RAD1: variants seen among roughly 807,000 people sequenced by gnomAD.
The protein encoded by RAD1 is cell cycle checkpoint protein RAD1.
Under a neutral mutation model 30.0 loss-of-function variants are expected in RAD1, and 21 were observed. The observed-to-expected ratio is 0.70, with a 90% confidence interval of 0.50 to 1.01. The LOEUF (loss-of-function observed/expected upper bound fraction) is 1.01, where lower values mean the gene tolerates loss of function less well. Among genes scored for constraint, RAD1 ranks in the 50% least tolerant of loss-of-function variants. The pLI is 0.00. For synonymous variants in RAD1, 109 were observed against 113.6 expected (o/e 0.96, Z 0.26); for missense variants, 329 against 329.0 (o/e 1.00, Z 0.00).
In RAD1 at chr5:34,908,171, C is replaced by CTTTTTTTT. The variant is rs398064717; in HGVS notation, c.*586_*593dup. The CTTTTTTTT allele has an allele frequency of 7.9e-6, 1 of 127,216 alleles. No homozygotes were observed. The highest frequency in any genetic ancestry group is 2.9e-5 in the African/African-American group (1 of 34,084). 7.9% of individuals were successfully genotyped at this position (127,216 alleles called of 1,614,324 possible). A position where few individuals can be genotyped will look rare whatever the true frequency, so the allele number is the denominator to read the frequency against. On this transcript the variant is annotated 3_prime_UTR_variant, in exon 6 of 6. Coordinates refer to ENST00000382038, the MANE Select transcript of RAD1 (RefSeq NM_002853.4). Reference sequence around the variant, plus strand: ...CTGCATCAAACTTTAAGCCTTTAGACTTTTTTTTTTTTTTTTTTTGAGGCA... The same window carrying CTTTTTTTT: ...CTGCATCAAACTTTAAGCCTTTAGACTTTTTTTTTTTTTTTTTTTTTTTTTTTGAGGCA...
At position 34,905,737 on chromosome 5, in the gene RAD1, G is replaced by A. The variant is rs1004147642; in HGVS notation, c.*3028C>T. Reference sequence around the variant, plus strand: ...CAATTTGTAGTGGCACCAAAGTGTCGCCTGCTCTGCCTGAGGGAGCACTCC... The same window carrying A: ...CAATTTGTAGTGGCACCAAAGTGTCACCTGCTCTGCCTGAGGGAGCACTCC... On this transcript the variant is annotated 3_prime_UTR_variant, in exon 6 of 6. Transcript: ENST00000382038. 1.3e-5 allele frequency: 2 copies of A among 151,804 alleles called. No homozygotes were observed. The highest frequency in any genetic ancestry group is 4.8e-5 in the African/African-American group (2 of 41,334). The allele number at this position is 151,804 out of a possible 1,614,324, so 9.4% of individuals were successfully genotyped here. A position where few individuals can be genotyped will look rare whatever the true frequency, so the allele number is the denominator to read the frequency against.
At chr5:34,911,418 G>T in intron 4 of RAD1, 136 bp downstream of exon 4, 2 of 1,043,974 alleles carry the variant, frequency 1.9e-6, no homozygotes, top group Non-Finnish European at 1.4e-6. Context: ...AAAATTATGA[G>T]GTAAGAGTAC....
chr5:34,909,174 G>T, intron 5 of RAD1, 84 bp downstream of exon 5: 2 of 1,109,468 alleles, frequency 1.8e-6, no homozygotes, highest in Non-Finnish European at 1.3e-6. Context: ...TTAATTAACA[G>T]ATTGAAAGTG....
Position 34,908,514 on chromosome 5 carries a change from G to T in RAD1, c.*251C>A. The T allele has an allele frequency of 6.5e-6, 2 of 306,240 alleles. No homozygotes were observed. Among genetic ancestry groups the T allele is most frequent in the African/African-American group, 2.1e-5 (1 of 46,764 alleles). The allele number at this position is 306,240 out of a possible 1,614,324, so 19.0% of individuals were successfully genotyped here. The stretch of plus-strand genomic sequence containing the variant: ...TACGCTGACTCACAATTATTCCCAT[G>T]AGTTCAAAAGACAGAACTAAAGGAC... On this transcript the variant is annotated 3_prime_UTR_variant, in exon 6 of 6. Coordinates refer to ENST00000382038, the MANE Select transcript of RAD1 (RefSeq NM_002853.4).
intron 5 of RAD1, 71 bp from the exon 6 acceptor site, chr5:34,909,019 T>C: frequency 2.3e-6 from 3 of 1,332,292 alleles, no homozygotes; most frequent in Non-Finnish European, 3.1e-6. Context: ...AAGTAAAGGA[T>C]AAAAAGTAGC....
rs1391154998 is a variant in RAD1, at chr5:34,909,268, G to A, written c.655C>T (p.Gln219Ter). The change falls in exon 5 of 6, where the codon CAA (glutamine) becomes TAA (stop). Residue 219 changes from glutamine to a stop codon, truncating the protein, a stop_gained. Transcript: ENST00000382038. LOFTEE classifies it high-confidence loss of function. Reference sequence around the variant, plus strand: ...ATATTAAGAACTGACCTGTTGACTTGGGTCTGATTACAATGAAATGCTTCC... The same window carrying A: ...ATATTAAGAACTGACCTGTTGACTTAGGTCTGATTACAATGAAATGCTTCC... ...LMEAFHCNQT[Q>*]VNRYKISLLK... The A allele has an allele frequency of 6.2e-7, 1 of 1,605,038 alleles. No individual in the cohort carries two copies. Among genetic ancestry groups the A allele is most frequent in the African/African-American group, 1.3e-5 (1 of 74,706 alleles).
Position 34,911,662 on chromosome 5 carries a change from A to G in RAD1, c.458T>C (p.Ile153Thr), listed in dbSNP as rs1382257874. 1 of 1,614,194 alleles carries G rather than the reference A, an allele frequency of 6.2e-7. No homozygotes were observed. ...LDFDFCSTNV[I>T]NKIILQSEGL... ...CTCTGACTGCAGAATAATTTTATTA[A>G]TAACATTGGTGCTGCAGAAATCAAA... The change falls in exon 4 of 6, where the codon ATT (isoleucine) becomes ACT (threonine). Residue 153 changes from isoleucine to threonine, a missense_variant. Transcript: ENST00000382038.
chr5:34,911,921 C>T, intron 3 of RAD1, 109 bp from the exon 4 acceptor site: 1 of 1,288,742 alleles, frequency 7.8e-7, no homozygotes, highest in Non-Finnish European at 1.1e-6. Flanking sequence ...CGCCCAATTT[C>T]TCACATATAT....
chr5:34,911,652 A>T lies in RAD1; in HGVS notation c.468T>A (p.Ile156=). The T allele has an allele frequency of 6.2e-7, 1 of 1,614,130 alleles. No individual in the cohort carries two copies. The highest frequency in any genetic ancestry group is 1.1e-5 in the South Asian group (1 of 91,080). The change falls in exon 4 of 6, where the codon ATT becomes ATA. Residue 156 remains isoleucine, a synonymous_variant. Transcript: ENST00000382038. The stretch of plus-strand genomic sequence containing the variant: ...CACGGAGCCCCTCTGACTGCAGAAT[A>T]ATTTTATTAATAACATTGGTGCTGC... ...DFCSTNVINK[I]ILQSEGLREA...
At chr5:34,914,064 T>C in intron 2 of RAD1, 2 of 454,794 alleles carry the variant, frequency 4.4e-6, no homozygotes, top group Non-Finnish European at 4.4e-6. Flanking sequence ...TTTACCTCTC[T>C]ATCCCTGAGA....
At chr5:34,911,939 C>T (rs974198346) in intron 3 of RAD1, 127 bp from the exon 4 acceptor site, 1 of 1,136,434 alleles carries the variant, frequency 8.8e-7, no homozygotes, top group Non-Finnish European at 1.3e-6. Context: ...TATGTATCTC[C>T]TCATAAAAAG....
rs1763624480 is a variant in RAD1 at position 34,905,637 on chromosome 5, A to G, written c.*3128T>C. On this transcript the variant is annotated 3_prime_UTR_variant, in exon 6 of 6. Transcript: ENST00000382038. ...TCACAGTAAGCACCATTTTACTAGA[A>G]AGAGAGATAAACTTCAAAAAGACAG... is the stretch of plus-strand genomic sequence containing the variant. 6.6e-6 allele frequency: 1 copy of G among 152,194 alleles called. No individual in the cohort carries two copies. The highest frequency in any genetic ancestry group is 2.4e-5 in the African/African-American group (1 of 41,440). The allele number at this position is 152,194 out of a possible 1,614,324, so 9.4% of individuals were successfully genotyped here.
intron 5 of RAD1, 90 bp from the exon 6 acceptor site, chr5:34,909,038 G>T: frequency 8.0e-7 from 1 of 1,243,948 alleles, no homozygotes. Flanking sequence ...GCAAATCTAA[G>T]AATAAAATCA....
chr5:34,912,336 T>A (rs988796682), intron 3 of RAD1, among the ~76,000 whole-genome samples: 1 of 152,238 alleles, frequency 6.6e-6, no homozygotes, highest in Non-Finnish European at 1.5e-5. Flanking sequence ...GGGTTGTTAA[T>A]GGTGGTGTAA....
In RAD1 at chr5:34,909,326, G is replaced by A; in HGVS notation, c.597C>T (p.Ser199=). ...CAGAATCTTTGGGATAGTCAAGGTG[G>A]GAACTTCCTGCATTTCCAAAAGTAG... ...RLSTFGNAGS[S]HLDYPKDSDL... The change falls in exon 5 of 6, where the codon TCC becomes TCT. Residue 199 remains serine (S), a synonymous_variant. Coordinates refer to ENST00000382038, the MANE Select transcript of RAD1 (RefSeq NM_002853.4). 1 of 1,609,522 alleles carries A rather than the reference G, an allele frequency of 6.2e-7. No individual in the cohort carries two copies.
At chr5:34,912,446 T>C (rs2111945996) in intron 3 of RAD1, among the ~76,000 whole-genome samples, 1 of 152,346 alleles carries the variant, frequency 6.6e-6, no homozygotes, top group Middle Eastern at 3.4e-3. Flanking sequence ...GAATGGAAGA[T>C]GACAGATGCT....
At chr5:34,910,956 G>C (rs1247353584) in intron 4 of RAD1, among the ~76,000 whole-genome samples, 2 of 152,142 alleles carry the variant, frequency 1.3e-5, no homozygotes, top group African/African-American at 4.8e-5. Context: ...GCCCTCCCTT[G>C]GGAAGCCAGC....
At chr5:34,909,452 G>C (rs1348942647) in intron 4 of RAD1, 96 bp from the exon 5 acceptor site, 1 of 804,364 alleles carries the variant, frequency 1.2e-6, no homozygotes. Context: ...ATTCATACTA[G>C]TGGGTGAAAC....
chr5:34,914,717 A>C lies in RAD1; in HGVS notation c.176T>G (p.Val59Gly), dbSNP rs754581881. 1.9e-6 allele frequency: 3 copies of C among 1,614,100 alleles called. No homozygotes were observed. The highest frequency in any genetic ancestry group is 2.5e-6 in the Non-Finnish European group (3 of 1,180,040). The change falls in exon 2 of 6, where the codon GTG (valine) becomes GGG (glycine). Residue 59 changes from valine to glycine, a missense_variant. Coordinates refer to ENST00000382038, the MANE Select transcript of RAD1 (RefSeq NM_002853.4). ...IKVTVENAKC[V>G]QANAFIQAGI... ...TACCTGAATAAAAGCATTTGCTTGC[A>C]CACACTTTGCATTTTCCACTGTTAC... is the stretch of plus-strand genomic sequence containing the variant.
Sources: gnomAD v4.1 joint callset for allele counts (sites outside exome capture counted in the v4.1 genomes callset) on GRCh38, gnomAD v4.1.1 for gene constraint, MANE v1.5 for transcripts, NCBI Gene and HGNC (gene_info 2026-07-23, HGNC 2026-07-21) for gene names.